Variants in ACSBG2 observed in about 807,000 individuals in gnomAD.
The protein encoded by ACSBG2 is acyl-CoA synthetase bubblegum family member 2, also known as long-chain-fatty-acid--CoA ligase ACSBG2.
A neutral mutation model predicts 74.7 loss-of-function variants in ACSBG2; 62 were observed. The ratio of observed to expected loss-of-function variants is 0.83; its 90% CI spans 0.68 to 1.03. The LOEUF (loss-of-function observed/expected upper bound fraction) is 1.03, where lower values mean the gene tolerates loss of function less well. ACSBG2 is among the 50% of genes least tolerant of loss of function. The probability of loss-of-function intolerance (pLI) is 0.00; values close to 1 mark genes in which losing one functional copy is unlikely to be tolerated. For missense variants in ACSBG2, 730 were observed against 817.6 expected, an observed-to-expected ratio of 0.89 and a Z score of 1.31; for synonymous variants, 309 against 294.1, an observed-to-expected ratio of 1.05 and a Z score of -0.52.
chr19:6,183,349 C>T, intron 10 of ACSBG2, 77 bp downstream of exon 10: 1 of 1,285,260 alleles, frequency 7.8e-7, no homozygotes, highest in Admixed American at 2.0e-5. Context: ...GATAGATGGG[C>T]CTCTGGGTTA....
chr19:6,189,327 T>TC (rs913311239), intron 13 of ACSBG2, among the ~76,000 whole-genome samples: 6 of 152,060 alleles, frequency 3.9e-5, no homozygotes, highest in African/African-American at 1.4e-4. Flanking sequence ...TTGCCTCTCT[T>TC]CCCCCATGAG....
chr19:6,183,190 A>C lies in ACSBG2; in HGVS notation c.1240A>C (p.Ile414Leu), dbSNP rs752028035. The change falls in exon 10 of 15, where the codon ATA becomes CTA. Residue 414 changes from isoleucine (I) to leucine (L), a missense_variant. Ile to Leu is a conservative substitution (Grantham distance 5). Transcript: ENST00000588485. ...ETAEFFLSLD[I>L]PIGELYGLSE... is the part of the protein sequence containing the mutation. ...TGCCGAGTTCTTTCTAAGCTTGGAC[A>C]TACCTATAGGCGAGTTGTATGGGTT... is the stretch of plus-strand genomic sequence containing the variant. The C allele has an allele frequency of 2.6e-5, 42 of 1,614,080 alleles. No individual in the cohort carries two copies. The highest frequency in any genetic ancestry group is 3.6e-5 in the Non-Finnish European group (42 of 1,180,048).
At chr19:6,188,850 A>G (rs2090476652) in intron 13 of ACSBG2, among the ~76,000 whole-genome samples, 1 of 152,174 alleles carries the variant, frequency 6.6e-6, no homozygotes, top group Non-Finnish European at 1.5e-5. Context: ...TTGGTAAGTC[A>G]GCTCCCGTGG....
At position 6,187,733 on chromosome 19, in the gene ACSBG2, G is replaced by A; in HGVS notation, c.1815G>A (p.Lys605=). Residue 605 remains lysine, a synonymous_variant, in exon 13 of 15, where the codon AAG becomes AAA. Coordinates refer to ENST00000588485, the MANE Select transcript of ACSBG2 (RefSeq NM_030924.5). The part of the protein sequence containing the change: ...IVKQQDPLVY[K]AIQQGINAVN... The stretch of plus-strand genomic sequence containing the variant: ...AGCAGCAAGACCCCCTGGTCTACAA[G>A]GCCATCCAGCAAGGCATCAATGCTG... 6.2e-7 allele frequency: 1 copy of A among 1,614,156 alleles called. No homozygotes were observed. The highest frequency in any genetic ancestry group is 1.1e-5 in the South Asian group (1 of 91,078).
At chr19:6,181,815 C>CCCCCCA (rs1239777590) in intron 8 of ACSBG2, among the ~76,000 whole-genome samples, 10 of 43,050 alleles carry the variant, frequency 2.3e-4, no homozygotes, top group African/African-American at 8.6e-4. Context: ...CCCCACCCGC[C>CCCCCCA]CCCCCCCCCA....
chr19:6,147,220 T>C (rs1037062417), intron 2 of ACSBG2, among the ~76,000 whole-genome samples: 2 of 152,148 alleles, frequency 1.3e-5, no homozygotes, highest in Admixed American at 6.6e-5. Context: ...AGAAAGTATT[T>C]GGTATACAAT....
intron 7 of ACSBG2, among the ~76,000 whole-genome samples, chr19:6,168,180 G>C (rs1053093793): frequency 2.6e-5 from 4 of 151,988 alleles, no homozygotes; most frequent in Non-Finnish European, 5.9e-5. Context: ...TCTCCCCCTT[G>C]CTCACTCTGT....
At chr19:6,176,243 A>C (rs1457894222) in intron 7 of ACSBG2, 2 of 1,314,504 alleles carry the variant, frequency 1.5e-6, no homozygotes, top group African/African-American at 3.0e-5. Flanking sequence ...CAAGAGGCTG[A>C]AGTGGGGGCC....
At chr19:6,170,825 G>A (rs1036956901) in intron 7 of ACSBG2, among the ~76,000 whole-genome samples, 2 of 152,058 alleles carry the variant, frequency 1.3e-5, no homozygotes, top group African/African-American at 4.8e-5. Context: ...GTCTGTCAGT[G>A]GGGTGTTGAA....
chr19:6,182,829 G>A lies in ACSBG2; in HGVS notation c.985G>A (p.Glu329Lys). 3.1e-6 allele frequency: 5 copies of A among 1,614,204 alleles called. No individual in the cohort carries two copies. The highest frequency in any genetic ancestry group is 1.7e-5 in the Admixed American group (1 of 60,014). Residue 329 changes from glutamate to lysine, a missense_variant, in exon 9 of 15, where the codon GAG (glutamate) becomes AAG (lysine). Physicochemically the swap from Glu to Lys is moderately conservative, Grantham distance 56. Transcript: ENST00000588485. Reference protein sequence around the residue: ...GVPQIWEKIHEMVKKNSAKSM... With the variant: ...GVPQIWEKIHKMVKKNSAKSM... The stretch of plus-strand genomic sequence containing the variant: ...GCCTCAAATTTGGGAGAAGATACAT[G>A]AGATGGTGAAGAAAAATAGTGCCAA...
chr19:6,141,375 C>T, intron 1 of ACSBG2, 138 bp from the exon 2 acceptor site: 2 of 583,060 alleles, frequency 3.4e-6, no homozygotes, highest in South Asian at 4.7e-5. Flanking sequence ...CCACTCTCCT[C>T]TCCTCCCAGG....
chr19:6,161,602 A>G (rs767160037), intron 6 of ACSBG2: 3 of 257,288 alleles, frequency 1.2e-5, no homozygotes, highest in Non-Finnish European at 2.3e-5. Flanking sequence ...CAGAGATGGA[A>G]TGGGGCCTCA....
At position 6,141,498 on chromosome 19, in the gene ACSBG2, T is replaced by C. The variant is rs2088831822; in HGVS notation, c.-31-15T>C. On this transcript the variant is annotated splice_polypyrimidine_tract_variant and intron_variant, in intron 1 of 14. Transcript: ENST00000588485. ...TTGCCAATCCTGTTAAACTCCCTGC[T>C]TTTTTGCTTTGCAGTGCTGTGGAGC... is the stretch of plus-strand genomic sequence containing the variant. The C allele has an allele frequency of 7.3e-7, 1 of 1,366,268 alleles. No homozygotes were observed. 84.6% of individuals were successfully genotyped at this position (1,366,268 alleles called of 1,614,324 possible).
intron 2 of ACSBG2, among the ~76,000 whole-genome samples, chr19:6,144,218 G>A (rs1215399876): frequency 2.6e-5 from 4 of 152,138 alleles, no homozygotes; most frequent in East Asian, 3.9e-4. Context: ...GGATGGTCTC[G>A]AACTTCTGAT....
intron 6 of ACSBG2, among the ~76,000 whole-genome samples, chr19:6,163,900 G>A (rs1182373211): frequency 3.3e-5 from 5 of 151,680 alleles, no homozygotes; most frequent in Non-Finnish European, 5.9e-5. Context: ...CTGAGATCAC[G>A]CCATTGCACT....
Position 6,177,236 on chromosome 19 carries a change from G to A in ACSBG2, c.746G>A (p.Trp249Ter). ...TTGTCCCTTATGTTACAGATCACGT[G>A]GATTGCAGGAGCAGTGACAAAGGAC... ...GVMLSHDNIT[W>*]IAGAVTKDFK... The change falls in exon 8 of 15, where the codon TGG (tryptophan) becomes TAG (stop). Residue 249 changes from tryptophan to a stop codon, truncating the protein, a stop_gained. Coordinates refer to ENST00000588485, the MANE Select transcript of ACSBG2 (RefSeq NM_030924.5). LOFTEE classifies it high-confidence loss of function. 6.2e-7 allele frequency: 1 copy of A among 1,614,066 alleles called. No individual in the cohort carries two copies. The highest frequency in any genetic ancestry group is 8.5e-7 in the Non-Finnish European group (1 of 1,180,004).
At chr19:6,152,789 C>G (rs1216127568) in intron 4 of ACSBG2, among the ~76,000 whole-genome samples, 1 of 151,786 alleles carries the variant, frequency 6.6e-6, no homozygotes, top group Non-Finnish European at 1.5e-5. Flanking sequence ...CTAAGTGTCC[C>G]ACAGCTGTGG....
At chr19:6,177,204 C>T in intron 7 of ACSBG2, 25 bp from the exon 8 acceptor site, 3 of 1,612,290 alleles carry the variant, frequency 1.9e-6, no homozygotes, top group East Asian at 2.2e-5. Flanking sequence ...GGGTGAGGCA[C>T]CTTGGATTGT....
At chr19:6,169,632 T>A (rs1230259397) in intron 7 of ACSBG2, among the ~76,000 whole-genome samples, 1 of 152,208 alleles carries the variant, frequency 6.6e-6, no homozygotes, top group Non-Finnish European at 1.5e-5. Context: ...ATATTGGTAA[T>A]TTGATAGGAA....
Sources: gnomAD v4.1 joint callset for allele counts (sites outside exome capture counted in the v4.1 genomes callset) on GRCh38, gnomAD v4.1.1 for gene constraint, MANE v1.5 for transcripts, NCBI Gene and HGNC (gene_info 2026-07-23, HGNC 2026-07-21) for gene names.